AUTS2: variants seen among roughly 807,000 people sequenced by gnomAD.
AUTS2 encodes autism susceptibility gene 2 protein.
Under a neutral mutation model 112.4 loss-of-function variants are expected in AUTS2, and 17 were observed. The observed-to-expected ratio is 0.15, with a 90% CI of 0.10 to 0.23. The LOEUF (loss-of-function observed/expected upper bound fraction) is 0.23. Among genes scored for constraint, AUTS2 ranks in the 10% least tolerant of loss-of-function variants. The pLI, the probability that AUTS2 is intolerant of heterozygous loss-of-function variation, is 1.00. For synonymous variants in AUTS2, 751 were observed against 702.7 expected, an observed-to-expected ratio of 1.07 and a Z score of -1.09; for missense variants, 1,510 against 1,701.6, an observed-to-expected ratio of 0.89 and a Z score of 1.98.
intron 5 of AUTS2, among the ~76,000 whole-genome samples, chr7:70,622,485 G>A (rs1297323154): frequency 6.6e-6 from 1 of 152,110 alleles, no homozygotes; most frequent in African/African-American, 2.4e-5. Flanking sequence ...TGGTTGTCCT[G>A]CACTCCCGCT....
intron 4 of AUTS2, among the ~76,000 whole-genome samples, chr7:70,256,539 T>C (rs1786880509): frequency 6.6e-6 from 1 of 152,194 alleles, no homozygotes; most frequent in Non-Finnish European, 1.5e-5. Context: ...GAGGAAGCAG[T>C]CTCAGAATGA....
chr7:70,764,852 A>G lies in AUTS2; in HGVS notation c.1315A>G (p.Ser439Gly), dbSNP rs1789821171. ...GTTCCCCCTCTCCCTGCCCAACCAC[A>G]GCCCCCTGCACAGCTTCACACCCAC... Reference protein sequence around the residue: ...SPFPLSLPNHSPLHSFTPTLQ... With the variant: ...SPFPLSLPNHGPLHSFTPTLQ... The change falls in exon 8 of 19, where the codon AGC becomes GGC. Residue 439 changes from serine (S) to glycine (G), a missense_variant. By Grantham distance (56) the Ser-to-Gly change is moderately conservative. This residue lies in a region of AUTS2 where 535 missense variants were observed against 594.3 expected (regional missense o/e 0.90). Transcript: ENST00000342771. The G allele has an allele frequency of 1.8e-6, 2 of 1,089,454 alleles. No homozygotes were observed. The highest frequency in any genetic ancestry group is 2.4e-6 in the Non-Finnish European group (2 of 833,994). The allele number at this position is 1,089,454 out of a possible 1,614,324, so 67.5% of individuals were successfully genotyped here. A position where few individuals can be genotyped will look rare whatever the true frequency, so the allele number is the denominator to read the frequency against.
intron 1 of AUTS2, among the ~76,000 whole-genome samples, chr7:69,613,444 T>C (rs1793150671): frequency 6.6e-6 from 1 of 152,232 alleles, no homozygotes; most frequent in Non-Finnish European, 1.5e-5. Context: ...CTCCCTGTTA[T>C]AAAATCTGAC....
At chr7:70,734,552 G>A (rs1169266336) in intron 6 of AUTS2, among the ~76,000 whole-genome samples, 2 of 152,130 alleles carry the variant, frequency 1.3e-5, no homozygotes, top group Admixed American at 6.5e-5. Flanking sequence ...GGTTTGGCGG[G>A]ACATATGGTT....
chr7:70,632,659 C>T (rs966285903), intron 5 of AUTS2, among the ~76,000 whole-genome samples: 3 of 152,114 alleles, frequency 2.0e-5, no homozygotes, highest in Admixed American at 2.0e-4. Context: ...CCTCCTCTCT[C>T]CTAAGAGTGC....
At chr7:70,011,274 T>C (rs987522638) in intron 2 of AUTS2, among the ~76,000 whole-genome samples, 11 of 151,620 alleles carry the variant, frequency 7.3e-5, no homozygotes, top group African/African-American at 2.7e-4. Flanking sequence ...AATCTTTTGA[T>C]GGCAAAACTC....
chr7:70,690,753 A>C (rs1212371767), intron 5 of AUTS2, among the ~76,000 whole-genome samples: 2 of 152,184 alleles, frequency 1.3e-5, no homozygotes, highest in Non-Finnish European at 2.9e-5. Flanking sequence ...ACTTGAGGCC[A>C]GGAGTTTAGG....
At chr7:70,007,698 C>A (rs1485168700) in intron 2 of AUTS2, among the ~76,000 whole-genome samples, 1 of 152,152 alleles carries the variant, frequency 6.6e-6, no homozygotes, top group Non-Finnish European at 1.5e-5. Flanking sequence ...CAAGGTCACA[C>A]AGTGCGCAAT....
chr7:69,692,775 T>C (rs900516702), intron 1 of AUTS2, among the ~76,000 whole-genome samples: 6 of 152,260 alleles, frequency 3.9e-5, no homozygotes, highest in Non-Finnish European at 5.9e-5. Flanking sequence ...CCCATTTGTT[T>C]AGGGGGTTTT....
intron 2 of AUTS2, among the ~76,000 whole-genome samples, chr7:70,077,957 A>C (rs186921368): frequency 6.6e-6 from 1 of 152,280 alleles, no homozygotes; most frequent in Admixed American, 6.5e-5. Flanking sequence ...GGAAGATTTA[A>C]TATTCAGATT....
intron 1 of AUTS2, among the ~76,000 whole-genome samples, chr7:69,623,381 A>ATTTTTTTTTTTTTTTTTTT (rs56204810): frequency 1.4e-5 from 1 of 71,950 alleles, no homozygotes; most frequent in Non-Finnish European, 2.5e-5. Flanking sequence ...ACGCCCAGCA[A>ATTTTTTTTTTTTTTTTTTT]TTTTTTTTTT....
In AUTS2 at chr7:70,763,348, G is replaced by T; in HGVS notation, c.1214+7G>T. 6.5e-7 allele frequency: 1 copy of T among 1,537,036 alleles called. No homozygotes were observed. On this transcript the variant is annotated splice_region_variant and intron_variant, in intron 7 of 18. Coordinates refer to ENST00000342771, the MANE Select transcript of AUTS2 (RefSeq NM_015570.4). ...TAAGCCTCAACAGTTTAAGGTGAGT[G>T]GCCTGCTCTTCTTTGGCCTGACTTT...
intron 2 of AUTS2, among the ~76,000 whole-genome samples, chr7:69,961,664 A>G (rs1797434647): frequency 1.3e-5 from 2 of 152,158 alleles, no homozygotes; most frequent in Admixed American, 1.3e-4. Flanking sequence ...CAATTTATTT[A>G]GCTAGTTTAT....
At chr7:70,211,998 A>T (rs908026711) in intron 4 of AUTS2, among the ~76,000 whole-genome samples, 14 of 152,234 alleles carry the variant, frequency 9.2e-5, no homozygotes, top group Admixed American at 3.9e-4. Context: ...AGAGAGAGAG[A>T]GACAGCATTA....
intron 5 of AUTS2, among the ~76,000 whole-genome samples, chr7:70,513,266 C>G (rs2116816169): frequency 6.6e-6 from 1 of 152,322 alleles, no homozygotes; most frequent in East Asian, 1.9e-4. Flanking sequence ...TATGAAACCT[C>G]TGGGTAGTAG....
intron 2 of AUTS2, among the ~76,000 whole-genome samples, chr7:70,116,867 T>A (rs1434366784): frequency 1.3e-5 from 2 of 152,228 alleles, no homozygotes; most frequent in Non-Finnish European, 2.9e-5. Context: ...TGCCTTTTTC[T>A]TGTTATATTG....
chr7:70,483,988 G>A (rs1797888176), intron 5 of AUTS2, among the ~76,000 whole-genome samples: 1 of 152,166 alleles, frequency 6.6e-6, no homozygotes, highest in Admixed American at 6.5e-5. Flanking sequence ...AAGCAGAGGG[G>A]CAAAAGCTTG....
intron 1 of AUTS2, among the ~76,000 whole-genome samples, chr7:69,849,438 A>G (rs553579003): frequency 6.6e-6 from 1 of 152,214 alleles, no homozygotes; most frequent in Non-Finnish European, 1.5e-5. Flanking sequence ...TGTAACCATC[A>G]CTGCAGTAAA....
intron 2 of AUTS2, among the ~76,000 whole-genome samples, chr7:69,934,693 G>A (rs772774830): frequency 6.6e-6 from 1 of 152,236 alleles, no homozygotes; most frequent in East Asian, 1.9e-4. Context: ...GGAAGAAAGC[G>A]TACCTTGTTT....
Sources: allele counts gnomAD v4.1 joint callset (sites outside exome capture counted in the v4.1 genomes callset), GRCh38; gene constraint gnomAD v4.1.1; regional missense constraint gnomAD v4.1.1; transcripts MANE v1.5; gene names NCBI Gene and HGNC (gene_info 2026-07-23, HGNC 2026-07-21).